The following TPM3 variants were observed in gnomAD, a reference collection of about 807,000 sequenced individuals.
TPM3 encodes tropomyosin 3.
Under a neutral mutation model 43.1 loss-of-function variants are expected in TPM3, and 16 were observed. The observed-to-expected ratio is 0.37, with a 90% CI of 0.25 to 0.56. The LOEUF (loss-of-function observed/expected upper bound fraction) is 0.56, where lower values mean the gene tolerates loss of function less well. Among genes scored for constraint, TPM3 ranks in the 20% least tolerant of loss-of-function variants. TPM3 has a pLI of 0.77. For synonymous variants in TPM3, 101 were observed against 116.9 expected, an observed-to-expected ratio of 0.86 and a Z score of 0.88; for missense variants, 176 against 337.2, an observed-to-expected ratio of 0.52 and a Z score of 3.74.
At chr1:154,183,108 G>A (rs1343075156) in intron 2 of TPM3, 4 of 1,598,900 alleles carry the variant, frequency 2.5e-6, no homozygotes, top group Non-Finnish European at 3.4e-6. Flanking sequence ...CGATGGTGGT[G>A]ATCCCAGCCA....
downstream of TPM3, among the ~76,000 whole-genome samples, chr1:154,161,217 A>G (rs1426326246): frequency 6.6e-6 from 1 of 151,622 alleles, no homozygotes; most frequent in African/African-American, 2.4e-5. Flanking sequence ...AAACTATACT[A>G]ATGGTATATA....
At chr1:154,161,189 T>G (rs1298344087), downstream of TPM3, among the ~76,000 whole-genome samples, 1 of 150,774 alleles carries the variant, frequency 6.6e-6, no homozygotes, top group Non-Finnish European at 1.5e-5. Flanking sequence ...CCCAAGCATT[T>G]TGAATAAGGA....
intron 2 of TPM3, among the ~76,000 whole-genome samples, chr1:154,177,536 C>G (rs142787939): frequency 2.4e-4 from 37 of 152,206 alleles, no homozygotes; most frequent in Middle Eastern, 3.4e-3. Flanking sequence ...TCCCCGCTAC[C>G]TTTACTGGTG....
intron 5 of TPM3, chr1:154,171,873 A>C: frequency 1.2e-6 from 1 of 848,332 alleles, no homozygotes; most frequent in Admixed American, 1.7e-5. Context: ...AAGAGATGAA[A>C]GATGCCAAGT....
downstream of TPM3, chr1:154,155,495 G>A (rs564661817): frequency 5.5e-5 from 13 of 236,430 alleles, no homozygotes; most frequent in Non-Finnish European, 1.7e-5. Context: ...CAAGGGAACC[G>A]TGTATTTTTA....
intron 2 of TPM3, chr1:154,182,842 AG>A: frequency 4.8e-6 from 6 of 1,243,068 alleles, no homozygotes; most frequent in Non-Finnish European, 7.0e-6. Context: ...ACTGGTGCTG[AG>A]CCCCACCCAT....
chr1:154,181,264 T>C (rs1472238156), intron 2 of TPM3, among the ~76,000 whole-genome samples: 1 of 152,180 alleles, frequency 6.6e-6, no homozygotes, highest in African/African-American at 2.4e-5. Flanking sequence ...TAAGTGAGTA[T>C]TCCAACAATC....
intron 7 of TPM3, 55 bp from the exon 8 acceptor site, chr1:154,170,524 C>G: frequency 6.2e-7 from 1 of 1,605,536 alleles, no homozygotes; most frequent in Non-Finnish European, 8.5e-7. Context: ...GAAGAACAAT[C>G]TCTATTTCTT....
chr1:154,171,183 GC>G, intron 6 of TPM3: 1 of 620,452 alleles, frequency 1.6e-6, no homozygotes, highest in East Asian at 2.7e-5. Flanking sequence ...AGCAGTATCA[GC>G]CTAAGGAGCA....
rs1660773625 is a variant in TPM3, at chr1:154,164,888, ATTC to A, written c.*3046_*3048del. Among the ~76,000 whole-genome samples, 2 of 152,348 alleles carry A rather than the reference ATTC, an allele frequency of 1.3e-5. No individual in the cohort carries two copies. The highest frequency in any genetic ancestry group is 4.1e-4 in the South Asian group (2 of 4,830). On this transcript the variant is annotated 3_prime_UTR_variant, in exon 10 of 10. Transcript: ENST00000651641. ...AATCTGCAAATTAGTTACCAAATTA[ATTC>A]TTCTTATATGTTATTCAGATCACAA... is the stretch of plus-strand genomic sequence containing the variant.
chr1:154,191,450 G>A (rs1663678098), intron 1 of TPM3, 139 bp from the exon 2 acceptor site: 2 of 1,466,500 alleles, frequency 1.4e-6, no homozygotes, highest in Non-Finnish European at 9.3e-7. Context: ...GCCACTTCCA[G>A]CCCACTGCCT....
At chr1:154,181,193 A>T (rs1227723063) in intron 2 of TPM3, among the ~76,000 whole-genome samples, 1 of 152,160 alleles carries the variant, frequency 6.6e-6, no homozygotes, top group Non-Finnish European at 1.5e-5. Flanking sequence ...CTACCTAGAA[A>T]AAGGTGTCTG....
Position 154,167,577 on chromosome 1 carries a change from C to T in TPM3, c.*360G>A. On this transcript the variant is annotated 3_prime_UTR_variant, in exon 10 of 10. Coordinates refer to ENST00000651641, the MANE Select transcript of TPM3 (RefSeq NM_152263.4). ...ATCCATCACTCTGGTAGAATCAGAT[C>T]AGCTGAGTTTAAATGTCAAGAAAAA... The T allele has an allele frequency of 8.4e-7, 1 of 1,192,846 alleles. No homozygotes were observed. The highest frequency in any genetic ancestry group is 1.0e-6 in the Non-Finnish European group (1 of 952,940). The allele number at this position is 1,192,846 out of a possible 1,614,324, so 73.9% of individuals were successfully genotyped here.
intron 6 of TPM3, 41 bp downstream of exon 6, chr1:154,171,372 C>T: frequency 2.5e-6 from 4 of 1,609,904 alleles, no homozygotes; most frequent in Non-Finnish European, 2.6e-6. Flanking sequence ...AGGGCTGGGC[C>T]CAGGCCCCAA....
downstream of TPM3, chr1:154,157,186 A>G: frequency 6.7e-6 from 2 of 298,626 alleles, no homozygotes; most frequent in Non-Finnish European, 1.3e-5. Flanking sequence ...GGCTCTCGGT[A>G]AGGCAGGCCT....
chr1:154,158,929 C>CTACT, downstream of TPM3: 1 of 778,598 alleles, frequency 1.3e-6, no homozygotes, highest in Middle Eastern at 2.3e-4. Context: ...GTGGTGTGAG[C>CTACT]AGTAAGCTCA....
chr1:154,155,481 T>A (rs563701240), downstream of TPM3: 1 of 238,002 alleles, frequency 4.2e-6, no homozygotes, highest in East Asian at 6.1e-5. Context: ...CAGCTCGACT[T>A]TGTCAAGGGA....
chr1:154,183,386 C>A, intron 2 of TPM3: 1 of 1,228,800 alleles, frequency 8.1e-7, no homozygotes, highest in Non-Finnish European at 1.1e-6. Flanking sequence ...TAAACTGGGA[C>A]GGGGTTGGGA....
intron 2 of TPM3, chr1:154,187,234 A>T: frequency 1.2e-6 from 1 of 841,076 alleles, no homozygotes; most frequent in Non-Finnish European, 1.4e-6. Flanking sequence ...GCCAGTAGAC[A>T]GTATGTACAA....
Sources: gnomAD v4.1 joint callset for allele counts (sites outside exome capture counted in the v4.1 genomes callset) on GRCh38, gnomAD v4.1.1 for gene constraint, MANE v1.5 for transcripts, NCBI Gene and HGNC (gene_info 2026-07-23, HGNC 2026-07-21) for gene names.